Variants in PCDHGA6 observed in about 807,000 individuals in gnomAD.
PCDHGA6 encodes the protein protocadherin gamma-A6.
PCDHGA6 carries 41 observed loss-of-function variants against 60.6 expected under a neutral mutation model. The ratio of observed to expected loss-of-function variants is 0.68; its 90% CI spans 0.53 to 0.88. The LOEUF (loss-of-function observed/expected upper bound fraction) is 0.88, where lower values mean the gene tolerates loss of function less well. PCDHGA6 is among the 40% of genes least tolerant of loss of function. PCDHGA6 has a pLI of 0.00. For synonymous variants in PCDHGA6, 594 were observed against 524.4 expected (o/e 1.13, Z -1.81); for missense variants, 1,312 against 1,203.0 (o/e 1.09, Z -1.34).
rs1230185523 is a variant in PCDHGA6, at chr5:141,413,155, G to C, written c.2424+36648G>C. 10 of 1,576,552 alleles carry C rather than the reference G, an allele frequency of 6.3e-6. No individual in the cohort carries two copies. The South Asian group carries it at 1.2e-4, about 18-fold the overall frequency. ...CAACGTGTCCAGTGAGGACTTTGCA[G>C]AATTCTGTAACCAGACTACAATGGC... On this transcript the variant is annotated intron_variant, in intron 1 of 3. Coordinates refer to ENST00000517434, the MANE Select transcript of PCDHGA6 (RefSeq NM_018919.3).
chr5:141,438,386 T>C (rs757664430), intron 1 of PCDHGA6, among the ~76,000 whole-genome samples: 1 of 151,778 alleles, frequency 6.6e-6, no homozygotes, highest in Admixed American at 6.6e-5. Flanking sequence ...AATTTCTTAG[T>C]TCATCATTAA....
chr5:141,408,909 A>G lies in PCDHGA6; in HGVS notation c.2424+32402A>G, dbSNP rs746399377. On this transcript the variant is annotated intron_variant, in intron 1 of 3. Transcript: ENST00000517434. ...ATAGAAATTTCTGTCAAGGATACCA[A>G]TGATAACCCCCCGGTTTTCAGCAGA... 1.3e-5 allele frequency: 21 copies of G among 1,613,442 alleles called. No individual in the cohort carries two copies. In the East Asian group the frequency reaches 2.5e-4, roughly 19 times the overall value.
At position 141,432,957 on chromosome 5, in the gene PCDHGA6, C is replaced by T. The variant is rs2097553676; in HGVS notation, c.2424+56450C>T. 1 of 1,614,190 alleles carries T rather than the reference C, an allele frequency of 6.2e-7. No individual in the cohort carries two copies. The highest frequency in any genetic ancestry group is 8.5e-7 in the Non-Finnish European group (1 of 1,180,030). ...CTGCAGGCTTCAGGAGGCGGCTTGA[C>T]AGGAGCGCCGGCGTCGCACTTTGTG... On this transcript the variant is annotated intron_variant, in intron 1 of 3. Coordinates refer to ENST00000517434, the MANE Select transcript of PCDHGA6 (RefSeq NM_018919.3). This position sits in a 1 kb window ranked among gnomAD's most constrained non-coding sequence, Gnocchi z 6.0.
chr5:141,385,107 C>T, intron 1 of PCDHGA6: 1 of 1,614,178 alleles, frequency 6.2e-7, no homozygotes, highest in Non-Finnish European at 8.5e-7. Context: ...CGAACGTGCC[C>T]ACCTCGCACT....
Position 141,490,900 on chromosome 5 carries a change from G to A in PCDHGA6, c.2425-3907G>A, listed in dbSNP as rs2099705863. 2 of 1,613,796 alleles carry A rather than the reference G, an allele frequency of 1.2e-6. No individual in the cohort carries two copies. The highest frequency in any genetic ancestry group is 2.7e-5 in the African/African-American group (2 of 75,050). ...TGCCAACACATCTCTGCATGTGTTT[G>A]TCCTAGACGAGAATGATAATGCCCC... On this transcript the variant is annotated intron_variant, in intron 1 of 3. Transcript: ENST00000517434. The surrounding 1 kb of genome is among the most constrained non-coding windows in gnomAD (Gnocchi z 5.4).
chr5:141,470,538 A>G (rs2099232733), intron 1 of PCDHGA6, among the ~76,000 whole-genome samples: 1 of 152,140 alleles, frequency 6.6e-6, no homozygotes, highest in African/African-American at 2.4e-5. Context: ...GTATCAGGTA[A>G]TATTTATTGA....
In PCDHGA6 at chr5:141,431,777, G is replaced by C. The variant is rs151011884; in HGVS notation, c.2424+55270G>C. 1.2e-6 allele frequency: 2 copies of C among 1,614,188 alleles called. No individual in the cohort carries two copies. The highest frequency in any genetic ancestry group is 4.5e-5 in the East Asian group (2 of 44,870). ...CAAAGTCCTGATCACTGTTCTGGAC[G>C]TGAACGACAATGCCCCAGAAGTGGT... On this transcript the variant is annotated intron_variant, in intron 1 of 3. Coordinates refer to ENST00000517434, the MANE Select transcript of PCDHGA6 (RefSeq NM_018919.3). The surrounding 1 kb of genome is among the most constrained non-coding windows in gnomAD (Gnocchi z 4.8).
chr5:141,439,162 C>T (rs1422780686), intron 1 of PCDHGA6, among the ~76,000 whole-genome samples: 1 of 149,498 alleles, frequency 6.7e-6, no homozygotes, highest in Non-Finnish European at 1.5e-5. Flanking sequence ...CACTGCACTC[C>T]AGCCTGGGCG....
intron 1 of PCDHGA6, chr5:141,405,186 G>A (rs762537440): frequency 6.2e-6 from 10 of 1,612,892 alleles, no homozygotes; most frequent in Non-Finnish European, 8.5e-6. Context: ...GGTGTAGATG[G>A]GGTTCGAGCT....
At chr5:141,394,769 C>T in intron 1 of PCDHGA6, 1 of 1,613,514 alleles carries the variant, frequency 6.2e-7, no homozygotes, top group Non-Finnish European at 8.5e-7. Flanking sequence ...ATGGCCAGCC[C>T]CCTCTCTCCG....
intron 1 of PCDHGA6, among the ~76,000 whole-genome samples, chr5:141,463,797 T>C (rs58523023): frequency 0.28 from 42,459 of 152,012 alleles, 6,656 homozygotes; most frequent in African/African-American, 0.43. Flanking sequence ...TGAACAAATG[T>C]CTAAAAGCTT....
intron 1 of PCDHGA6, among the ~76,000 whole-genome samples, chr5:141,444,357 G>C (rs1258703336): frequency 3.3e-5 from 5 of 151,798 alleles, no homozygotes; most frequent in African/African-American, 9.7e-5. Flanking sequence ...TTTTAGTAGA[G>C]ACGGGGTTTC....
At chr5:141,411,881 G>T (rs1299555823) in intron 1 of PCDHGA6, 2 of 152,114 alleles carry the variant, frequency 1.3e-5, no homozygotes, top group Middle Eastern at 3.2e-3. Flanking sequence ...ACATTTCTAA[G>T]AAATAAATGA....
At chr5:141,488,268 C>T (rs1371050827) in intron 1 of PCDHGA6, among the ~76,000 whole-genome samples, 1 of 152,170 alleles carries the variant, frequency 6.6e-6, no homozygotes, top group East Asian at 1.9e-4. Context: ...GCGGGTTGGT[C>T]ATCACCTTTG....
intron 1 of PCDHGA6, among the ~76,000 whole-genome samples, chr5:141,402,646 G>A (rs2094289569): frequency 6.6e-6 from 1 of 152,198 alleles, no homozygotes; most frequent in South Asian, 2.1e-4. Context: ...ATCATAATTA[G>A]AAGAGAGTAG....
intron 1 of PCDHGA6, among the ~76,000 whole-genome samples, chr5:141,469,189 T>C (rs1393685141): frequency 2.6e-5 from 4 of 151,710 alleles, no homozygotes; most frequent in African/African-American, 9.7e-5. Flanking sequence ...GGCAAGAGGA[T>C]TGCTTGAGCC....
chr5:141,484,334 A>G (rs988395353), intron 1 of PCDHGA6, among the ~76,000 whole-genome samples: 3 of 152,192 alleles, frequency 2.0e-5, no homozygotes, highest in East Asian at 1.9e-4. Context: ...CTTGAAATCA[A>G]TGAATGGTAA....
At chr5:141,423,341 TC>T (rs767448191) in intron 1 of PCDHGA6, 181 of 1,614,176 alleles carry the variant, frequency 1.1e-4, no homozygotes, top group Admixed American at 2.7e-4. Context: ...TCCTGCATCT[TC>T]CTGGTCTTTG....
intron 1 of PCDHGA6, chr5:141,394,190 G>T (rs1370592594): frequency 1.2e-6 from 2 of 1,613,684 alleles, no homozygotes; most frequent in Non-Finnish European, 1.7e-6. Flanking sequence ...CCTACTCAGC[G>T]TATATCCTAG....
Sources: gnomAD v4.1 joint callset for allele counts (sites outside exome capture counted in the v4.1 genomes callset) on GRCh38, gnomAD v4.1.1 for gene constraint, Gnocchi (gnomAD v3.1) non-coding constraint, MANE v1.5 for transcripts, NCBI Gene and HGNC (gene_info 2026-07-23, HGNC 2026-07-21) for gene names.